The following CAMK1D variants were observed in gnomAD, a reference collection of about 807,000 sequenced individuals.
CAMK1D encodes the protein calcium/calmodulin dependent protein kinase ID, also known as calcium/calmodulin-dependent protein kinase type 1D.
CAMK1D carries 9 observed loss-of-function variants against 47.7 expected under a neutral mutation model. The ratio of observed to expected loss-of-function variants is 0.19; its 90% CI spans 0.11 to 0.33. The LOEUF (loss-of-function observed/expected upper bound fraction) is 0.33. Ranked by LOEUF, CAMK1D falls within the 10% of genes least tolerant of loss-of-function variation. The pLI is 1.00. For synonymous variants in CAMK1D, 184 were observed against 184.9 expected (o/e 0.99, Z 0.04); for missense variants, 291 against 488.7 (o/e 0.60, Z 3.81).
chr10:12,449,380 G>A (rs973715245), intron 1 of CAMK1D, among the ~76,000 whole-genome samples: 1 of 151,908 alleles, frequency 6.6e-6, no homozygotes, highest in South Asian at 2.1e-4. Context: ...AACCACGCTT[G>A]CTGTTAACCA....
chr10:12,491,976 G>T (rs1169235202), intron 1 of CAMK1D, among the ~76,000 whole-genome samples: 1 of 152,024 alleles, frequency 6.6e-6, no homozygotes, highest in African/African-American at 2.4e-5. Context: ...GTAGAGATGG[G>T]GTTTCACCAT....
At chr10:12,526,606 CAA>C (rs1299533451) in intron 1 of CAMK1D, among the ~76,000 whole-genome samples, 2 of 152,030 alleles carry the variant, frequency 1.3e-5, no homozygotes, top group African/African-American at 4.8e-5. Flanking sequence ...CAGAGCAAAA[CAA>C]GAGAAAAGGA....
At chr10:12,608,082 C>A (rs944111249) in intron 2 of CAMK1D, among the ~76,000 whole-genome samples, 3 of 152,128 alleles carry the variant, frequency 2.0e-5, no homozygotes, top group Admixed American at 1.3e-4. Context: ...AAAACAGATT[C>A]ATCAAAGAAA....
chr10:12,356,127 G>A (rs937657990), intron 1 of CAMK1D, among the ~76,000 whole-genome samples: 8 of 150,320 alleles, frequency 5.3e-5, no homozygotes, highest in African/African-American at 1.7e-4. Context: ...GTGAGACTCC[G>A]TCTCAAAAAG....
chr10:12,466,490 C>T (rs1342442238), intron 1 of CAMK1D, among the ~76,000 whole-genome samples: 1 of 151,878 alleles, frequency 6.6e-6, no homozygotes, highest in Non-Finnish European at 1.5e-5. Context: ...GAGGCTAAGG[C>T]AGGAGAATTG....
intron 2 of CAMK1D, among the ~76,000 whole-genome samples, chr10:12,616,103 CGTGT>C (rs762191479): frequency 5.4e-5 from 8 of 148,930 alleles, no homozygotes; most frequent in Non-Finnish European, 1.2e-4. Context: ...TAGGTGTGAG[CGTGT>C]GTGTATGTGG....
intron 1 of CAMK1D, among the ~76,000 whole-genome samples, chr10:12,472,726 T>C (rs1833784575): frequency 6.6e-6 from 1 of 152,148 alleles, no homozygotes; most frequent in Non-Finnish European, 1.5e-5. Context: ...TTCGCCACGT[T>C]GGCCAGGCTG....
intron 1 of CAMK1D, among the ~76,000 whole-genome samples, chr10:12,443,337 C>T (rs1402113996): frequency 5.3e-5 from 8 of 152,156 alleles, no homozygotes; most frequent in Admixed American, 2.6e-4. Flanking sequence ...TTCTGAGAAT[C>T]TCTGCGGTGA....
intron 1 of CAMK1D, among the ~76,000 whole-genome samples, chr10:12,531,668 G>A (rs148919514): frequency 3.9e-5 from 6 of 152,298 alleles, no homozygotes; most frequent in African/African-American, 1.2e-4. Flanking sequence ...CCTAACTTGC[G>A]TGCTCCAATG....
At chr10:12,375,370 C>G (rs1838146271) in intron 1 of CAMK1D, among the ~76,000 whole-genome samples, 1 of 152,194 alleles carries the variant, frequency 6.6e-6, no homozygotes, top group Non-Finnish European at 1.5e-5. Flanking sequence ...TGGATTTCGT[C>G]TCTATAAATC....
chr10:12,617,315 A>G (rs549591707), intron 2 of CAMK1D, among the ~76,000 whole-genome samples: 1 of 152,322 alleles, frequency 6.6e-6, no homozygotes, highest in African/African-American at 2.4e-5. Flanking sequence ...ACAAATGAGG[A>G]AAAATACATA....
intron 2 of CAMK1D, among the ~76,000 whole-genome samples, chr10:12,638,016 A>C (rs1460429811): frequency 1.3e-5 from 2 of 152,110 alleles, no homozygotes. Flanking sequence ...TCTAGTGACC[A>C]CAGGCAGCTG....
At chr10:12,595,996 G>A (rs573482175) in intron 2 of CAMK1D, among the ~76,000 whole-genome samples, 1 of 151,900 alleles carries the variant, frequency 6.6e-6, no homozygotes, top group African/African-American at 2.4e-5. Flanking sequence ...AGCTGCAGGG[G>A]AGTCTGGGAA....
intron 2 of CAMK1D, among the ~76,000 whole-genome samples, chr10:12,644,684 G>A (rs1237591631): frequency 1.3e-5 from 2 of 152,106 alleles, no homozygotes; most frequent in African/African-American, 4.8e-5. Flanking sequence ...GCTTCTAAAG[G>A]GGCTTCTAGC....
At position 12,810,643 on chromosome 10, in the gene CAMK1D, G is replaced by C. The variant is rs183126774; in HGVS notation, c.642-3552G>C. ...GGCGGAGAGGCAGGGTCCCATCAGA[G>C]GGTTCCACTTGCAGATGCAGGGGCA... On this transcript the variant is annotated intron_variant, in intron 6 of 10. Coordinates refer to ENST00000619168, the MANE Select transcript of CAMK1D (RefSeq NM_153498.4). Among the ~76,000 whole-genome samples the C allele has an allele frequency of 7.9e-5, 12 of 152,286 alleles. No individual in the cohort carries two copies. In the East Asian group the frequency reaches 2.1e-3, roughly 27 times the overall value.
At chr10:12,426,540 C>T (rs767272048) in intron 1 of CAMK1D, among the ~76,000 whole-genome samples, 1 of 152,112 alleles carries the variant, frequency 6.6e-6, no homozygotes, top group Non-Finnish European at 1.5e-5. Flanking sequence ...CCACCATGCC[C>T]AGCTGGGAAT....
chr10:12,727,164 G>A (rs933919634), intron 3 of CAMK1D, among the ~76,000 whole-genome samples: 1 of 152,346 alleles, frequency 6.6e-6, no homozygotes, highest in East Asian at 1.9e-4. Context: ...CATCATCTGA[G>A]CAAGGGAAGC....
intron 1 of CAMK1D, among the ~76,000 whole-genome samples, chr10:12,521,824 CATT>C (rs1408843851): frequency 2.0e-5 from 3 of 152,056 alleles, no homozygotes; most frequent in African/African-American, 7.2e-5. Context: ...ATTCTTTTAT[CATT>C]ATATGACAAT....
At chr10:12,515,617 T>TCCTC (rs1835184968) in intron 1 of CAMK1D, among the ~76,000 whole-genome samples, 1 of 13,282 alleles carries the variant, frequency 7.5e-5, no homozygotes, top group African/African-American at 3.1e-4. Flanking sequence ...CCCTTCCTCT[T>TCCTC]TTTTTTTTTT....
Sources: gnomAD v4.1 joint callset for allele counts (sites outside exome capture counted in the v4.1 genomes callset) on GRCh38, gnomAD v4.1.1 for gene constraint, MANE v1.5 for transcripts, NCBI Gene and HGNC (gene_info 2026-07-23, HGNC 2026-07-21) for gene names.